The following MIPOL1 variants were observed in gnomAD, a reference collection of about 807,000 sequenced individuals.
MIPOL1 encodes the protein mirror-image polydactyly 1.
A neutral mutation model predicts 60.9 loss-of-function variants in MIPOL1; 57 were observed. The ratio of observed to expected loss-of-function variants is 0.94; its 90% confidence interval spans 0.76 to 1.17. The LOEUF is 1.17. Ranked by LOEUF, MIPOL1 falls within the 50% of genes most tolerant of loss-of-function variation. MIPOL1 has a pLI of 0.00. For synonymous variants in MIPOL1, 179 were observed against 168.8 expected (o/e 1.06, Z -0.47); for missense variants, 551 against 511.6 (o/e 1.08, Z -0.74).
chr14:37,433,165 A>T (rs2094105096), intron 11 of MIPOL1, among the ~76,000 whole-genome samples: 1 of 151,956 alleles, frequency 6.6e-6, no homozygotes, highest in Non-Finnish European at 1.5e-5. Flanking sequence ...TGCTGAAATG[A>T]TCCTCCTGCC....
chr14:37,288,536 G>A (rs534944460), intron 7 of MIPOL1, among the ~76,000 whole-genome samples: 9 of 152,204 alleles, frequency 5.9e-5, no homozygotes, highest in African/African-American at 1.4e-4. Context: ...GGACATGGTA[G>A]CTCACACCTG....
intron 12 of MIPOL1, among the ~76,000 whole-genome samples, chr14:37,528,686 TTTAATTTGGATTTACTTA>T: frequency 6.6e-6 from 1 of 152,310 alleles, no homozygotes; most frequent in East Asian, 1.9e-4. Flanking sequence ...ATAGCTAGAA[TTTAATTTGGATTTACTTA>T]TGGTACAAAT....
chr14:37,253,300 A>T (rs1422581150), intron 3 of MIPOL1, among the ~76,000 whole-genome samples: 1 of 151,804 alleles, frequency 6.6e-6, no homozygotes, highest in African/African-American at 2.4e-5. Flanking sequence ...GGATTTGGGT[A>T]CAAGTTTCAT....
At chr14:37,353,099 A>C (rs2153474811) in intron 9 of MIPOL1, among the ~76,000 whole-genome samples, 1 of 134,846 alleles carries the variant, frequency 7.4e-6, no homozygotes, top group East Asian at 2.3e-4. Context: ...TAATTTATTG[A>C]GAGTTTTTAG....
intron 6 of MIPOL1, among the ~76,000 whole-genome samples, chr14:37,283,381 G>A (rs2084288067): frequency 6.6e-6 from 1 of 152,030 alleles, no homozygotes; most frequent in Middle Eastern, 3.4e-3. Flanking sequence ...ATGCTGTTTT[G>A]AAAGAGCCAC....
chr14:37,326,095 A>G (rs2089132344), intron 9 of MIPOL1, among the ~76,000 whole-genome samples: 1 of 152,168 alleles, frequency 6.6e-6, no homozygotes, highest in Non-Finnish European at 1.5e-5. Flanking sequence ...TGGGCCCATG[A>G]ATCCTGGCTA....
chr14:37,455,848 T>C (rs1261796949), intron 11 of MIPOL1, among the ~76,000 whole-genome samples: 1 of 152,130 alleles, frequency 6.6e-6, no homozygotes, highest in Non-Finnish European at 1.5e-5. Context: ...CTGTGAAAAT[T>C]ACGTGATTTT....
At chr14:37,514,956 G>A (rs892713063) in intron 12 of MIPOL1, among the ~76,000 whole-genome samples, 4 of 152,146 alleles carry the variant, frequency 2.6e-5, no homozygotes, top group Non-Finnish European at 4.4e-5. Context: ...CCAAGAGCAT[G>A]TAGAAATACA....
At chr14:37,250,454 G>A (rs1973904883) in intron 3 of MIPOL1, among the ~76,000 whole-genome samples, 1 of 152,086 alleles carries the variant, frequency 6.6e-6, no homozygotes, top group African/African-American at 2.4e-5. Flanking sequence ...GTCTGAGGCA[G>A]GAGAATCACT....
intron 10 of MIPOL1, among the ~76,000 whole-genome samples, chr14:37,382,936 A>G (rs1380811391): frequency 6.6e-6 from 1 of 151,802 alleles, no homozygotes; most frequent in African/African-American, 2.4e-5. Context: ...TACAAAAAGC[A>G]TATTTCCAAG....
At chr14:37,280,741 C>A (rs1423712562) in intron 6 of MIPOL1, among the ~76,000 whole-genome samples, 1 of 152,164 alleles carries the variant, frequency 6.6e-6, no homozygotes, top group Non-Finnish European at 1.5e-5. Flanking sequence ...TCACTGCAAC[C>A]TCCACCTCCT....
At chr14:37,503,543 A>T (rs1424158684) in intron 12 of MIPOL1, 7 of 152,196 alleles carry the variant, frequency 4.6e-5, no homozygotes, top group Non-Finnish European at 8.8e-5. Flanking sequence ...TCCTTTACAG[A>T]CAAGCAAATG....
chr14:37,503,826 G>C (rs2095248956), intron 12 of MIPOL1: 1 of 152,186 alleles, frequency 6.6e-6, no homozygotes. Flanking sequence ...TGGATAAAGA[G>C]TCAAGACCCA....
intron 12 of MIPOL1, among the ~76,000 whole-genome samples, chr14:37,530,196 A>G (rs1473026863): frequency 6.6e-6 from 1 of 152,206 alleles, no homozygotes; most frequent in Non-Finnish European, 1.5e-5. Context: ...TGTGAAGGGT[A>G]AAGAATTCAG....
chr14:37,298,907 A>G (rs560138421), intron 7 of MIPOL1, among the ~76,000 whole-genome samples: 1 of 149,906 alleles, frequency 6.7e-6, no homozygotes, highest in Non-Finnish European at 1.5e-5. Flanking sequence ...TCAGGGATCT[A>G]GAACTAGAAA....
chr14:37,508,916 A>G (rs557041270), intron 12 of MIPOL1, among the ~76,000 whole-genome samples: 2 of 152,218 alleles, frequency 1.3e-5, no homozygotes, highest in South Asian at 2.1e-4. Flanking sequence ...ATCATTTAGT[A>G]CTGTTCATCA....
At chr14:37,501,532 A>G (rs1335679668) in intron 12 of MIPOL1, 1 of 152,204 alleles carries the variant, frequency 6.6e-6, no homozygotes, top group African/African-American at 2.4e-5. Context: ...ATCAACTATC[A>G]TCATCATTTC....
In MIPOL1 at chr14:37,291,100, G is replaced by GT. The variant is rs1028029461; in HGVS notation, c.623+5660dup. ...CATGGAAATTTTACTTTCTAAAGAG[G>GT]TTTTTTTGTAGAGATAGGGTCCTGC... On this transcript the variant is annotated intron_variant, in intron 7 of 12. Transcript: ENST00000684589. Among the ~76,000 whole-genome samples the GT allele has an allele frequency of 8.6e-5, 13 of 151,988 alleles. 1 individual carries two copies. Among genetic ancestry groups the GT allele is most frequent in the Admixed American group, 2.6e-4 (4 of 15,242 alleles).
chr14:37,485,055 C>T (rs916916959), intron 11 of MIPOL1, among the ~76,000 whole-genome samples: 3 of 152,152 alleles, frequency 2.0e-5, no homozygotes, highest in Admixed American at 6.5e-5. Flanking sequence ...CATGTGTTCT[C>T]ATTGTTCAAT....
Sources: allele counts gnomAD v4.1 joint callset (sites outside exome capture counted in the v4.1 genomes callset), GRCh38; gene constraint gnomAD v4.1.1; transcripts MANE v1.5; gene names NCBI Gene and HGNC (gene_info 2026-07-23, HGNC 2026-07-21).